The following ADCY10 variants were observed in gnomAD, a reference collection of about 807,000 sequenced individuals.
ADCY10 encodes the protein adenylate cyclase 10.
In ADCY10, 156 loss-of-function variants were observed where a neutral mutation model predicts 183.3. That is an observed-to-expected ratio of 0.85 (90% CI 0.75 to 0.97). ADCY10 has a LOEUF of 0.97. ADCY10 is among the 50% of genes least tolerant of loss of function. The pLI is 0.00. For missense variants in ADCY10, 1,745 were observed against 1,934.3 expected, an observed-to-expected ratio of 0.90 and a Z score of 1.84; for synonymous variants, 645 against 670.0, an observed-to-expected ratio of 0.96 and a Z score of 0.58.
chr1:167,826,296 AC>A (rs1443068898), intron 26 of ADCY10, among the ~76,000 whole-genome samples: 1 of 152,228 alleles, frequency 6.6e-6, no homozygotes, highest in African/African-American at 2.4e-5. Flanking sequence ...TTGGATTTGG[AC>A]CAAGAGAATG....
intron 14 of ADCY10, among the ~76,000 whole-genome samples, chr1:167,866,334 C>T (rs1224791950): frequency 6.6e-6 from 1 of 152,092 alleles, no homozygotes; most frequent in Non-Finnish European, 1.5e-5. Flanking sequence ...AATACCAGAT[C>T]AATTTAAAGC....
Position 167,845,635 on chromosome 1 carries a change from T to C in ADCY10, c.2935A>G (p.Thr979Ala). 1 of 1,614,276 alleles carries C rather than the reference T, an allele frequency of 6.2e-7. No homozygotes were observed. Residue 979 changes from threonine (T) to alanine (A), a missense_variant, in exon 21 of 33, where the codon ACA becomes GCA. Coordinates refer to ENST00000367851, the MANE Select transcript of ADCY10 (RefSeq NM_018417.6). ...GRDFIPYHHF[T>A]VNIRLNALDM... ...AAAGCGTTGAGCCGAATATTCACTGTGAAGTGATGATAGGGAATGAAGTCC... is the reference window on the plus strand; with the variant it reads ...AAAGCGTTGAGCCGAATATTCACTGCGAAGTGATGATAGGGAATGAAGTCC...
At chr1:167,837,522 C>T (rs1284972956) in intron 21 of ADCY10, among the ~76,000 whole-genome samples, 1 of 152,196 alleles carries the variant, frequency 6.6e-6, no homozygotes, top group African/African-American at 2.4e-5. Flanking sequence ...ATATATGTCA[C>T]CTCTAGGCTA....
chr1:167,870,764 C>G (rs10918792), intron 13 of ADCY10, among the ~76,000 whole-genome samples: 80,916 of 150,646 alleles, frequency 0.54, 21,866 homozygotes, highest in East Asian at 0.74. Flanking sequence ...AGCCGGGATC[C>G]TGCCATTGCA....
At chr1:167,884,410 T>A (rs555506594) in intron 8 of ADCY10, among the ~76,000 whole-genome samples, 27 of 152,190 alleles carry the variant, frequency 1.8e-4, no homozygotes, top group African/African-American at 6.5e-4. Flanking sequence ...AAGGGTATAA[T>A]CCACCCCTAT....
At chr1:167,812,242 G>C (rs1228001869) in intron 31 of ADCY10, among the ~76,000 whole-genome samples, 2 of 152,220 alleles carry the variant, frequency 1.3e-5, no homozygotes, top group African/African-American at 4.8e-5. Context: ...TCCAGTTGAA[G>C]TGACTTCCAG....
At chr1:167,867,435 A>C (rs1666784305) in intron 14 of ADCY10, among the ~76,000 whole-genome samples, 1 of 152,192 alleles carries the variant, frequency 6.6e-6, no homozygotes, top group Non-Finnish European at 1.5e-5. Flanking sequence ...CAGTATATAC[A>C]TCAAGTCACT....
chr1:167,903,011 T>C (rs934480627), intron 3 of ADCY10, among the ~76,000 whole-genome samples: 2 of 152,122 alleles, frequency 1.3e-5, no homozygotes, highest in Non-Finnish European at 2.9e-5. Flanking sequence ...TCCCAGCACT[T>C]TGGGAGGCTG....
chr1:167,896,728 G>T, intron 6 of ADCY10, 37 bp from the exon 7 acceptor site: 2 of 1,405,424 alleles, frequency 1.4e-6, no homozygotes, highest in South Asian at 2.3e-5. Context: ...CAGTTATTCT[G>T]AGAACTGTTT....
Position 167,810,791 on chromosome 1 carries a change from G to T in ADCY10, c.4605C>A (p.Asn1535Lys). The T allele has an allele frequency of 6.2e-7, 1 of 1,614,218 alleles. No individual in the cohort carries two copies. The highest frequency in any genetic ancestry group is 1.1e-5 in the South Asian group (1 of 91,084). Residue 1535 changes from asparagine to lysine, a missense_variant, in exon 32 of 33, where the codon AAC (asparagine) becomes AAA (lysine). Asn to Lys is a moderately conservative substitution (Grantham distance 94). Coordinates refer to ENST00000367851, the MANE Select transcript of ADCY10 (RefSeq NM_018417.6). Reference sequence around the variant, plus strand: ...GTGTTTCAGAGAGCCGCAAGGCTGTGTTCAGGAAGAGGCCACATTTCTGCC... The same window carrying T: ...GTGTTTCAGAGAGCCGCAAGGCTGTTTTCAGGAAGAGGCCACATTTCTGCC... ...GDGQKCGLFL[N>K]TALRLSETQG...
chr1:167,868,570 C>T (rs1331138908), intron 14 of ADCY10, among the ~76,000 whole-genome samples: 2 of 152,092 alleles, frequency 1.3e-5, no homozygotes, highest in Admixed American at 1.3e-4. Flanking sequence ...GACAGCCCCC[C>T]ACTAGGCTAT....
In ADCY10 at chr1:167,845,811, A is replaced by T; in HGVS notation, c.2759T>A (p.Val920Glu). Residue 920 changes from valine (V) to glutamate (E), a missense_variant, in exon 21 of 33, where the codon GTG (valine) becomes GAG (glutamate). By Grantham distance (121) the Val-to-Glu change is moderately radical (BLOSUM62 -2). Transcript: ENST00000367851. Reference sequence around the variant, plus strand: ...GAATCGAATCCTGTGGCACTCGATCACCTCATTCTCCAGTTCACGAAGCTG... The same window carrying T: ...GAATCGAATCCTGTGGCACTCGATCTCCTCATTCTCCAGTTCACGAAGCTG... ...EEQLRELENE[V>E]IECHRIRFCN... The T allele has an allele frequency of 6.2e-7, 1 of 1,614,158 alleles. No individual in the cohort carries two copies. Among genetic ancestry groups the T allele is most frequent in the Non-Finnish European group, 8.5e-7 (1 of 1,180,044 alleles).
rs761784263 is a variant in ADCY10 at position 167,856,339 on chromosome 1, A to G, written c.1997T>C (p.Ile666Thr). ...FMEKLIRTLP[I>T]FIIMSLCPFV... The stretch of plus-strand genomic sequence containing the variant: ...GGGACACAGGGACATAATGATGAAG[A>G]TAGGAAGAGTCCGGATAAGCTTCTC... The change falls in exon 17 of 33, where the codon ATC becomes ACC. Residue 666 changes from isoleucine (I) to threonine (T), a missense_variant. Coordinates refer to ENST00000367851, the MANE Select transcript of ADCY10 (RefSeq NM_018417.6). The G allele has an allele frequency of 1.2e-6, 2 of 1,614,054 alleles. No individual in the cohort carries two copies. The highest frequency in any genetic ancestry group is 2.2e-5 in the South Asian group (2 of 91,070).
chr1:167,900,640 C>T (rs1333915319), intron 5 of ADCY10, among the ~76,000 whole-genome samples: 1 of 152,078 alleles, frequency 6.6e-6, no homozygotes, highest in African/African-American at 2.4e-5. Context: ...TCAAGCAATT[C>T]TCCTGCCTCA....
chr1:167,827,334 ATTTTT>A (rs35177857), intron 26 of ADCY10, among the ~76,000 whole-genome samples: 2 of 132,902 alleles, frequency 1.5e-5, no homozygotes, highest in Non-Finnish European at 1.6e-5. Context: ...CGCCCGGCTA[ATTTTT>A]TTTTTTTTTT....
chr1:167,872,044 A>T (rs1667140212), intron 13 of ADCY10, among the ~76,000 whole-genome samples: 1 of 152,078 alleles, frequency 6.6e-6, no homozygotes, highest in Non-Finnish European at 1.5e-5. Context: ...ATAAATAAAA[A>T]ATAATAAAGT....
chr1:167,862,264 G>C (rs541482978), intron 14 of ADCY10, among the ~76,000 whole-genome samples: 2 of 152,178 alleles, frequency 1.3e-5, no homozygotes, highest in African/African-American at 2.4e-5. Context: ...AAAGAGAGTC[G>C]TTGCAGATAC....
chr1:167,845,763 G>T lies in ADCY10; in HGVS notation c.2807C>A (p.Thr936Lys). Residue 936 changes from threonine to lysine, a missense_variant, in exon 21 of 33, where the codon ACA becomes AAA. Transcript: ENST00000367851. ...GTCCTTGAGCCACAGCTCGTAGGCT[G>T]TTTTCTGCATCATAGGGTTACAGAA... ...IRFCNPMMQK[T>K]AYELWLKDQR... 1 of 1,614,218 alleles carries T rather than the reference G, an allele frequency of 6.2e-7. No homozygotes were observed. The highest frequency in any genetic ancestry group is 8.5e-7 in the Non-Finnish European group (1 of 1,180,050).
intron 25 of ADCY10, among the ~76,000 whole-genome samples, chr1:167,832,590 C>T (rs191603524): frequency 3.9e-5 from 6 of 152,046 alleles, no homozygotes; most frequent in African/African-American, 7.2e-5. Context: ...TTCTTTGGGG[C>T]GGGGCAAAAC....
Sources: gnomAD v4.1 joint callset for allele counts (sites outside exome capture counted in the v4.1 genomes callset) on GRCh38, gnomAD v4.1.1 for gene constraint, MANE v1.5 for transcripts, NCBI Gene and HGNC (gene_info 2026-07-23, HGNC 2026-07-21) for gene names.